Variants in DPY19L2 observed in about 807,000 individuals in gnomAD.
DPY19L2 encodes the protein probable C-mannosyltransferase DPY19L2.
In DPY19L2, 34 loss-of-function variants were observed where a neutral mutation model predicts 97.9. The ratio of observed to expected loss-of-function variants is 0.35; its 90% CI spans 0.26 to 0.46. DPY19L2 has a LOEUF of 0.46. Ranked by LOEUF, DPY19L2 falls within the 20% of genes least tolerant of loss-of-function variation. The pLI is 1.00. For missense variants in DPY19L2, 623 were observed against 911.4 expected (o/e 0.68, Z 4.07); for synonymous variants, 230 against 307.9 (o/e 0.75, Z 2.65).
intron 21 of DPY19L2, 79 bp downstream of exon 21, chr12:63,569,145 A>G: frequency 6.9e-7 from 1 of 1,444,754 alleles, no homozygotes; most frequent in South Asian, 1.5e-5. Flanking sequence ...ATTCTTAAAG[A>G]ATCAGGACTA....
At chr12:63,659,844 C>A (rs1274635266) in intron 4 of DPY19L2, among the ~76,000 whole-genome samples, 1 of 152,060 alleles carries the variant, frequency 6.6e-6, no homozygotes, top group East Asian at 1.9e-4. Flanking sequence ...AAAATTGGCA[C>A]ATTTTATTAC....
At chr12:63,586,016 A>G (rs1330555970) in intron 16 of DPY19L2, among the ~76,000 whole-genome samples, 1 of 152,204 alleles carries the variant, frequency 6.6e-6, no homozygotes, top group Admixed American at 6.5e-5. Flanking sequence ...AGAACACAGA[A>G]AGAAAAGAAA....
At chr12:63,568,316 A>T (rs1396302625) in intron 21 of DPY19L2, among the ~76,000 whole-genome samples, 1 of 151,992 alleles carries the variant, frequency 6.6e-6, no homozygotes, top group South Asian at 2.1e-4. Flanking sequence ...TATACTTTTC[A>T]GCTCTAGAAT....
At chr12:63,600,272 A>G in intron 13 of DPY19L2, 34 bp downstream of exon 13, 1 of 1,529,476 alleles carries the variant, frequency 6.5e-7, no homozygotes, top group Non-Finnish European at 9.0e-7. Context: ...ACATATTTAT[A>G]AGAACTTTCA....
At chr12:63,576,153 T>C (rs952420513) in intron 19 of DPY19L2, among the ~76,000 whole-genome samples, 2 of 151,922 alleles carry the variant, frequency 1.3e-5, no homozygotes, top group Admixed American at 1.3e-4. Context: ...CAAATCAATG[T>C]GATACGTCAT....
At chr12:63,656,576 G>A (rs1002962232) in intron 4 of DPY19L2, among the ~76,000 whole-genome samples, 3 of 152,120 alleles carry the variant, frequency 2.0e-5, no homozygotes, top group African/African-American at 7.2e-5. Context: ...TCTTGGATCT[G>A]TGGTTTGGTA....
rs1490356564 is a variant in DPY19L2, at chr12:63,571,456, C to T, written c.1901-599G>A. ...CATGCTAACAGCAGGACTACAGACA[C>T]ACATGAAACAAAAAGAATGTAAAAT... On this transcript the variant is annotated intron_variant, in intron 19 of 21. Transcript: ENST00000324472. Among the ~76,000 whole-genome samples, 4 of 152,148 alleles carry T rather than the reference C, an allele frequency of 2.6e-5. No homozygotes were observed. The East Asian group carries it at 5.8e-4, about 22-fold the overall frequency.
chr12:63,588,714 T>A (rs944601217), intron 16 of DPY19L2, among the ~76,000 whole-genome samples: 4 of 151,652 alleles, frequency 2.6e-5, no homozygotes, highest in African/African-American at 7.3e-5. Flanking sequence ...TTTAAAATTA[T>A]CCTGGTTTAT....
chr12:63,621,480 G>A (rs1397403984), intron 8 of DPY19L2, 143 bp from the exon 9 acceptor site: 13 of 690,722 alleles, frequency 1.9e-5, no homozygotes, highest in African/African-American at 3.6e-5. Context: ...ACTTCTTAAA[G>A]TATACTAAAA....
intron 4 of DPY19L2, among the ~76,000 whole-genome samples, chr12:63,650,599 CT>C (rs1408326639): frequency 2.0e-5 from 3 of 151,914 alleles, no homozygotes; most frequent in Non-Finnish European, 4.4e-5. Flanking sequence ...AATAAAAAAA[CT>C]TATAAAAGAA....
intron 16 of DPY19L2, among the ~76,000 whole-genome samples, chr12:63,592,104 AAAGAG>A (rs1448629127): frequency 3.4e-5 from 4 of 116,522 alleles, no homozygotes; most frequent in Admixed American, 8.9e-5. Flanking sequence ...AGAGAAAAGA[AAAGAG>A]AAGAGAAGAG....
chr12:63,585,093 G>A (rs1311503029), intron 16 of DPY19L2, among the ~76,000 whole-genome samples: 1 of 152,024 alleles, frequency 6.6e-6, no homozygotes, highest in African/African-American at 2.4e-5. Flanking sequence ...CTTGGGATGC[G>A]TCGCCCTGCA....
intron 9 of DPY19L2, chr12:63,619,978 G>A (rs371438700): frequency 8.6e-5 from 39 of 455,874 alleles, no homozygotes; most frequent in East Asian, 8.3e-4. Flanking sequence ...TTAAACAGAC[G>A]GAATACTTTA....
intron 4 of DPY19L2, among the ~76,000 whole-genome samples, chr12:63,648,061 G>A (rs1212727081): frequency 6.6e-6 from 1 of 152,120 alleles, no homozygotes; most frequent in Non-Finnish European, 1.5e-5. Context: ...CCCCTCATGA[G>A]TGAGATTAAA....
intron 4 of DPY19L2, among the ~76,000 whole-genome samples, chr12:63,659,036 C>A (rs747836412): frequency 8.6e-5 from 13 of 152,002 alleles, no homozygotes; most frequent in Non-Finnish European, 1.9e-4. Context: ...ATCTATATGA[C>A]CAGCTATCAT....
intron 21 of DPY19L2, among the ~76,000 whole-genome samples, chr12:63,565,877 T>G (rs1215982790): frequency 3.3e-5 from 5 of 152,194 alleles, no homozygotes; most frequent in African/African-American, 1.2e-4. Context: ...TTTAAGTTCA[T>G]ATGCACTCAA....
At chr12:63,583,296 C>T (rs972611212) in intron 17 of DPY19L2, among the ~76,000 whole-genome samples, 4 of 152,158 alleles carry the variant, frequency 2.6e-5, no homozygotes, top group African/African-American at 9.7e-5. Context: ...TATTTCCAGC[C>T]CACACTGATC....
intron 4 of DPY19L2, among the ~76,000 whole-genome samples, chr12:63,649,662 G>A (rs1025996516): frequency 2.0e-5 from 3 of 151,980 alleles, no homozygotes; most frequent in Admixed American, 6.6e-5. Flanking sequence ...CCAATAACAA[G>A]TTCCAAGACT....
chr12:63,589,357 C>CGAAAAAAA (rs1882439553), intron 16 of DPY19L2, among the ~76,000 whole-genome samples: 1 of 18,986 alleles, frequency 5.3e-5, no homozygotes, highest in Non-Finnish European at 1.0e-4. Context: ...AAATGTGTTG[C>CGAAAAAAA]AAAAAAAAAA....
Sources: allele counts gnomAD v4.1 joint callset (sites outside exome capture counted in the v4.1 genomes callset), GRCh38; gene constraint gnomAD v4.1.1; transcripts MANE v1.5; gene names NCBI Gene and HGNC (gene_info 2026-07-23, HGNC 2026-07-21).